CLASP1: variants seen among roughly 807,000 people sequenced by gnomAD.
CLASP1 encodes the protein CLIP-associating protein 1.
Under a neutral mutation model 192.3 loss-of-function variants are expected in CLASP1, and 38 were observed. The ratio of observed to expected loss-of-function variants is 0.20; its 90% confidence interval spans 0.15 to 0.26. The LOEUF (loss-of-function observed/expected upper bound fraction) is 0.26, where lower values mean the gene tolerates loss of function less well. CLASP1 is among the 10% of genes least tolerant of loss of function. The pLI is 1.00. For synonymous variants in CLASP1, 691 were observed against 712.8 expected, an observed-to-expected ratio of 0.97 and a Z score of 0.49; for missense variants, 1,433 against 1,932.5, an observed-to-expected ratio of 0.74 and a Z score of 4.85.
rs2063789505 is a variant in CLASP1 at position 121,348,725 on chromosome 2, C to T, written c.4207-7G>A. On this transcript the variant is annotated splice_polypyrimidine_tract_variant and splice_region_variant and intron_variant, in intron 37 of 39. Transcript: ENST00000263710. Reference sequence around the variant, plus strand: ...CCTCAGCCGCTCTCACCACCTGAAACACCCAGTTCCCCCAAAGAGTGAGCT... The same window carrying T: ...CCTCAGCCGCTCTCACCACCTGAAATACCCAGTTCCCCCAAAGAGTGAGCT... 6.3e-7 allele frequency: 1 copy of T among 1,585,852 alleles called. No individual in the cohort carries two copies. Among genetic ancestry groups the T allele is most frequent in the African/African-American group, 1.3e-5 (1 of 74,330 alleles).
At chr2:121,512,125 G>A (rs1334424381) in intron 7 of CLASP1, among the ~76,000 whole-genome samples, 1 of 152,188 alleles carries the variant, frequency 6.6e-6, no homozygotes, top group Non-Finnish European at 1.5e-5. Context: ...AGTGACCTAT[G>A]TCTCAGCCCT....
chr2:121,640,032 A>G (rs1305349988), intron 1 of CLASP1, among the ~76,000 whole-genome samples: 4 of 152,212 alleles, frequency 2.6e-5, no homozygotes, highest in African/African-American at 9.6e-5. Context: ...ATGGAATACT[A>G]TGCAGCCATA....
At chr2:121,640,292 C>A (rs1400985204) in intron 1 of CLASP1, among the ~76,000 whole-genome samples, 1 of 152,098 alleles carries the variant, frequency 6.6e-6, no homozygotes, top group African/African-American at 2.4e-5. Flanking sequence ...ATGGGTGCAG[C>A]GGGCCAGCAT....
At chr2:121,379,721 G>A (rs1476649812) in intron 33 of CLASP1, among the ~76,000 whole-genome samples, 1 of 152,138 alleles carries the variant, frequency 6.6e-6, no homozygotes, top group Non-Finnish European at 1.5e-5. Context: ...TTTTTTTAAG[G>A]GATGTCACAA....
chr2:121,597,776 C>G (rs2063309474), intron 2 of CLASP1, among the ~76,000 whole-genome samples: 1 of 152,204 alleles, frequency 6.6e-6, no homozygotes, highest in South Asian at 2.1e-4. Context: ...GGTACTTGCA[C>G]TGGTGTGGTG....
chr2:121,508,233 A>G (rs1207107664), intron 7 of CLASP1, among the ~76,000 whole-genome samples: 1 of 137,116 alleles, frequency 7.3e-6, no homozygotes, highest in African/African-American at 3.6e-5. Context: ...TGACAATAGC[A>G]AAAAAAGAAG....
intron 2 of CLASP1, among the ~76,000 whole-genome samples, chr2:121,594,726 T>C (rs570484222): frequency 6.6e-6 from 1 of 152,298 alleles, no homozygotes; most frequent in African/African-American, 2.4e-5. Context: ...TTTAGATAGC[T>C]GTCCTAACAT....
At chr2:121,609,295 C>T (rs1301259456) in intron 1 of CLASP1, among the ~76,000 whole-genome samples, 1 of 152,110 alleles carries the variant, frequency 6.6e-6, no homozygotes, top group Admixed American at 6.6e-5. Context: ...AGATTTCTAA[C>T]AAATAAGCAT....
chr2:121,528,756 AGTCT>A lies in CLASP1; in HGVS notation c.295_298del (p.Arg99Ter). ...CCTCACAGAGTCTTTAGCATCTCCT[AGTCT>A]GTCTATTAGACTTGGCAGCACTGAA... On this transcript the variant is annotated frameshift_variant, in exon 4 of 40. Coordinates refer to ENST00000263710, the Ensembl canonical transcript of CLASP1. LOFTEE classifies it high-confidence loss of function. The A allele has an allele frequency of 6.2e-7, 1 of 1,613,940 alleles. No homozygotes were observed. Among genetic ancestry groups the A allele is most frequent in the Non-Finnish European group, 8.5e-7 (1 of 1,179,824 alleles).
rs201375216 is a variant in CLASP1, at chr2:121,469,864, A to G, written c.809T>C (p.Val270Ala). Residue 270 changes from valine (V) to alanine (A), a missense_variant, in exon 9 of 40, where the codon GTT becomes GCT. Physicochemically the swap from Val to Ala is moderately conservative, Grantham distance 64. Around this residue, in one of 8 missense-constraint regions of CLASP1, gnomAD observed 282 missense variants for 359.9 expected, o/e 0.78. Transcript: ENST00000263710. ...AAGCCGGCGGGTGGTTCCCATTCCAACGTTTCTCCGAGAACTTGGTGGAGC... is the reference window on the plus strand; with the variant it reads ...AAGCCGGCGGGTGGTTCCCATTCCAGCGTTTCTCCGAGAACTTGGTGGAGC... 684 of 1,613,738 alleles carry G rather than the reference A, an allele frequency of 4.2e-4. 2 individuals are homozygous for G. Among genetic ancestry groups the G allele is most frequent in the Middle Eastern group, 1.5e-3 (9 of 6,084 alleles).
chr2:121,459,239 G>T (rs893089443), intron 12 of CLASP1, among the ~76,000 whole-genome samples: 1 of 151,620 alleles, frequency 6.6e-6, no homozygotes, highest in African/African-American at 2.4e-5. Flanking sequence ...CCTTGCCCAC[G>T]TTGAACTTGA....
chr2:121,539,435 A>G (rs1000870227), intron 2 of CLASP1, among the ~76,000 whole-genome samples: 1 of 152,248 alleles, frequency 6.6e-6, no homozygotes, highest in African/African-American at 2.4e-5. Context: ...GATCAACTGA[A>G]TATCTACATG....
At chr2:121,531,040 A>AT in intron 2 of CLASP1, 2 of 699,154 alleles carry the variant, frequency 2.9e-6, no homozygotes, top group Non-Finnish European at 2.6e-6. Flanking sequence ...TTATCAGTTC[A>AT]AACAGCAGTA....
intron 30 of CLASP1, among the ~76,000 whole-genome samples, chr2:121,394,226 G>T (rs921621767): frequency 1.3e-5 from 2 of 152,218 alleles, no homozygotes; most frequent in Admixed American, 1.3e-4. Context: ...TTAATCAGTT[G>T]ACTTTGAGTT....
At chr2:121,481,675 T>G (rs1024865422) in intron 8 of CLASP1, among the ~76,000 whole-genome samples, 1 of 152,216 alleles carries the variant, frequency 6.6e-6, no homozygotes, top group Non-Finnish European at 1.5e-5. Flanking sequence ...CTAATCATTT[T>G]GTTACTTCTG....
At chr2:121,623,546 T>C (rs929449426) in intron 1 of CLASP1, among the ~76,000 whole-genome samples, 1 of 152,266 alleles carries the variant, frequency 6.6e-6, no homozygotes, top group African/African-American at 2.4e-5. Flanking sequence ...AATGTCCTCA[T>C]AGGATAAACT....
intron 9 of CLASP1, among the ~76,000 whole-genome samples, chr2:121,463,178 A>C (rs2088491619): frequency 6.6e-6 from 1 of 152,192 alleles, no homozygotes; most frequent in Non-Finnish European, 1.5e-5. Flanking sequence ...AAAGTATTGG[A>C]GAAAGTATTT....
intron 7 of CLASP1, among the ~76,000 whole-genome samples, chr2:121,506,681 G>A (rs890802133): frequency 3.3e-5 from 5 of 152,124 alleles, no homozygotes; most frequent in Non-Finnish European, 7.4e-5. Flanking sequence ...TGAACAAGCA[G>A]GAAGTAAAAA....
chr2:121,627,032 G>A (rs1165664244), intron 1 of CLASP1, among the ~76,000 whole-genome samples: 1 of 137,896 alleles, frequency 7.3e-6, no homozygotes. Flanking sequence ...CCTTAGGAGA[G>A]TAATTCAGCA....
Sources: gnomAD v4.1 joint callset for allele counts (sites outside exome capture counted in the v4.1 genomes callset) on GRCh38, gnomAD v4.1.1 for gene constraint, gnomAD v4.1.1 regional missense constraint, MANE v1.5 for transcripts, NCBI Gene and HGNC (gene_info 2026-07-23, HGNC 2026-07-21) for gene names.